The following SVIL variants were observed in gnomAD, a reference collection of about 807,000 sequenced individuals.
SVIL encodes the protein supervillin, also known as archvillin.
In SVIL, 101 loss-of-function variants were observed where a neutral mutation model predicts 240.4. The ratio of observed to expected loss-of-function variants is 0.42; its 90% CI spans 0.36 to 0.50. The LOEUF is 0.50. SVIL is among the 20% of genes least tolerant of loss of function. The pLI is 0.01. For missense variants in SVIL, 2,512 were observed against 2,818.7 expected (o/e 0.89, Z 2.46); for synonymous variants, 999 against 1,100.0 (o/e 0.91, Z 1.82).
At chr10:29,666,908 C>A (rs969148300) in intron 2 of SVIL, among the ~76,000 whole-genome samples, 2 of 152,112 alleles carry the variant, frequency 1.3e-5, no homozygotes, top group Non-Finnish European at 2.9e-5. Context: ...CATTAAACTT[C>A]TTTCCTTTAT....
At chr10:29,532,402 G>T in intron 8 of SVIL, 127 bp downstream of exon 8, 1 of 1,424,188 alleles carries the variant, frequency 7.0e-7, no homozygotes, top group Non-Finnish European at 9.3e-7. Flanking sequence ...CCGCATAGTC[G>T]CCCTGCACGC....
chr10:29,597,651 C>T lies in SVIL; in HGVS notation c.-200-28339G>A, dbSNP rs1044194247. 1.4e-4 allele frequency among the ~76,000 whole-genome samples: 21 copies of T among 152,212 alleles called. 1 individual carries two copies. The highest frequency in any genetic ancestry group is 3.4e-3 in the Middle Eastern group (1 of 294). On this transcript the variant is annotated intron_variant, in intron 1 of 37. Coordinates refer to ENST00000355867, the MANE Select transcript of SVIL (RefSeq NM_021738.3). ...CTGACCTCAAGTGATCCACCAGCCG[C>T]GGCCTCCCAAAGTGCTGGGATTACA...
chr10:29,534,664 G>A (rs930930446), intron 7 of SVIL, among the ~76,000 whole-genome samples: 2 of 152,234 alleles, frequency 1.3e-5, no homozygotes, highest in African/African-American at 4.8e-5. Context: ...GGGGTTGGAA[G>A]AGACCTCTGC....
intron 1 of SVIL, among the ~76,000 whole-genome samples, chr10:29,692,485 G>A (rs1961584571): frequency 6.6e-6 from 1 of 152,066 alleles, no homozygotes. Flanking sequence ...GATCATCAGT[G>A]TCAAGCACTC....
At position 29,696,749 on chromosome 10, in the gene SVIL, C is replaced by A. The variant is rs1488560136; in HGVS notation, c.-399-10098G>T. ...CCGTCTGAGAAGTGAGGAGCCCCTC[C>A]GCCTGGCTGCCACCCCGTCTGGGAA... On this transcript the variant is annotated intron_variant, in intron 1 of 35. Transcript: ENST00000375400. Among the ~76,000 whole-genome samples, 3 of 147,898 alleles carry A rather than the reference C, an allele frequency of 2.0e-5. 1 individual carries two copies. In the South Asian group the frequency reaches 6.5e-4, roughly 32 times the overall value.
At chr10:29,703,275 C>A (rs1962653591) in intron 1 of SVIL, among the ~76,000 whole-genome samples, 1 of 152,158 alleles carries the variant, frequency 6.6e-6, no homozygotes, top group African/African-American at 2.4e-5. Flanking sequence ...TTGAGGGTAA[C>A]CTGGATCACC....
intron 12 of SVIL, among the ~76,000 whole-genome samples, chr10:29,528,379 T>C (rs1951091074): frequency 6.6e-6 from 1 of 151,352 alleles, no homozygotes; most frequent in African/African-American, 2.4e-5. Flanking sequence ...GGATGAACTA[T>C]TTTTTTTTCC....
intron 1 of SVIL, among the ~76,000 whole-genome samples, chr10:29,729,558 GGGTGC>G (rs1964490485): frequency 6.6e-6 from 1 of 151,040 alleles, no homozygotes; most frequent in Non-Finnish European, 1.5e-5. Context: ...GCAATTGGCC[GGGTGC>G]GGTGGCTCAC....
chr10:29,525,572 C>T (rs1950843758), intron 13 of SVIL, among the ~76,000 whole-genome samples: 1 of 152,044 alleles, frequency 6.6e-6, no homozygotes, highest in Non-Finnish European at 1.5e-5. Flanking sequence ...AGTGATGAAG[C>T]CTGGGCGACA....
chr10:29,685,496 C>T (rs1281712515), intron 2 of SVIL, among the ~76,000 whole-genome samples: 1 of 152,204 alleles, frequency 6.6e-6, no homozygotes, highest in Non-Finnish European at 1.5e-5. Context: ...AAGGAATTGT[C>T]ACACTGCTTT....
intron 1 of SVIL, among the ~76,000 whole-genome samples, chr10:29,625,211 ACTACCTTTCTTTT>A (rs1159339291): frequency 6.6e-6 from 1 of 152,214 alleles, no homozygotes; most frequent in African/African-American, 2.4e-5. Context: ...TTCAGTTAAG[ACTACCTTTCTTTT>A]TAACTTTTGC....
intron 2 of SVIL, among the ~76,000 whole-genome samples, chr10:29,683,801 A>G (rs1960850691): frequency 6.6e-6 from 1 of 151,904 alleles, no homozygotes; most frequent in Non-Finnish European, 1.5e-5. Context: ...CTCTCCATGC[A>G]CTCTGGGCTC....
At position 29,529,784 on chromosome 10, in the gene SVIL, C is replaced by T. The variant is rs1484302393; in HGVS notation, c.2167G>A (p.Val723Met). The change falls in exon 12 of 38, where the codon GTG becomes ATG. Residue 723 changes from valine (V) to methionine (M), a missense_variant. Coordinates refer to ENST00000355867, the MANE Select transcript of SVIL (RefSeq NM_021738.3). ...VPKRRSRNTA[V>M]EQRLRRLQDR... The stretch of plus-strand genomic sequence containing the variant: ...TGCAGACGGCGTAGCCTCTGCTCCA[C>T]AGCTGTGTTTCTTGAGCGTCGCTTT... 4 of 1,613,674 alleles carry T rather than the reference C, an allele frequency of 2.5e-6. No homozygotes were observed. Among genetic ancestry groups the T allele is most frequent in the African/African-American group, 2.7e-5 (2 of 74,886 alleles).
chr10:29,522,784 C>T (rs1589102666), intron 15 of SVIL, 149 bp from the exon 16 acceptor site: 15 of 892,330 alleles, frequency 1.7e-5, no homozygotes, highest in East Asian at 5.3e-5. Flanking sequence ...ATCTGCAGCA[C>T]GCTACACTCT....
intron 29 of SVIL, among the ~76,000 whole-genome samples, chr10:29,477,861 A>G (rs17756611): frequency 0.095 from 14,470 of 152,284 alleles, 871 homozygotes; most frequent in Non-Finnish European, 0.13. Context: ...CCCGGCTCAA[A>G]TCATATTTCC....
intron 1 of SVIL, among the ~76,000 whole-genome samples, chr10:29,576,554 A>G (rs1955705356): frequency 6.6e-6 from 1 of 152,226 alleles, no homozygotes; most frequent in South Asian, 2.1e-4. Context: ...TAAATTAAAT[A>G]AAATTATGAG....
At chr10:29,540,437 C>G (rs1952061766) in intron 6 of SVIL, among the ~76,000 whole-genome samples, 1 of 152,208 alleles carries the variant, frequency 6.6e-6, no homozygotes. Context: ...TCCACAGCAA[C>G]TCTAAGAGGT....
At chr10:29,540,640 G>A (rs921075022) in intron 6 of SVIL, among the ~76,000 whole-genome samples, 6 of 152,080 alleles carry the variant, frequency 3.9e-5, no homozygotes, top group Non-Finnish European at 8.8e-5. Flanking sequence ...TGCTTCCTTG[G>A]CTTGAATGGG....
At chr10:29,712,299 T>C (rs1379703997) in intron 1 of SVIL, among the ~76,000 whole-genome samples, 1 of 152,318 alleles carries the variant, frequency 6.6e-6, no homozygotes, top group African/African-American at 2.4e-5. Context: ...GGATTCCTCA[T>C]GAATAGATTA....
Sources: gnomAD v4.1 joint callset for allele counts (sites outside exome capture counted in the v4.1 genomes callset) on GRCh38, gnomAD v4.1.1 for gene constraint, MANE v1.5 for transcripts, NCBI Gene and HGNC (gene_info 2026-07-23, HGNC 2026-07-21) for gene names.